The following SAFB2 variants were observed in gnomAD, a reference collection of about 807,000 sequenced individuals.
SAFB2 encodes scaffold attachment factor B2.
SAFB2 carries 32 observed loss-of-function variants against 100.6 expected under a neutral mutation model. That is an observed-to-expected ratio of 0.32 (90% CI 0.24 to 0.43). The LOEUF (loss-of-function observed/expected upper bound fraction) is 0.43, where lower values mean the gene tolerates loss of function less well. Among genes scored for constraint, SAFB2 ranks in the 20% least tolerant of loss-of-function variants. SAFB2 has a pLI of 1.00. For missense variants in SAFB2, 1,185 were observed against 1,163.4 expected, an observed-to-expected ratio of 1.02 and a Z score of -0.27; for synonymous variants, 500 against 439.4, an observed-to-expected ratio of 1.14 and a Z score of -1.72.
In SAFB2 at chr19:5,610,799, A is replaced by G. The variant is rs934503934; in HGVS notation, c.1146-111T>C. 6 of 850,122 alleles carry G rather than the reference A, an allele frequency of 7.1e-6. No individual in the cohort carries two copies. In the South Asian group the frequency reaches 1.1e-4, roughly 15 times the overall value. 52.7% of individuals were successfully genotyped at this position (850,122 alleles called of 1,614,324 possible). ...ACCTACCAGAAAATTAGTCTGAAAT[A>G]AAATTTTAACAGACACCTCTGCAAG... On this transcript the variant is annotated intron_variant, in intron 7 of 20. Transcript: ENST00000252542.
At chr19:5,607,716 C>T (rs1414763981) in intron 9 of SAFB2, among the ~76,000 whole-genome samples, 7 of 152,254 alleles carry the variant, frequency 4.6e-5, no homozygotes, top group Admixed American at 4.6e-4. Flanking sequence ...ACACAGGAGT[C>T]CTGGTCTCTG....
chr19:5,601,384 G>A (rs2052653399), intron 11 of SAFB2, among the ~76,000 whole-genome samples: 1 of 152,090 alleles, frequency 6.6e-6, no homozygotes, highest in African/African-American at 2.4e-5. Context: ...TTCATACACT[G>A]CTTACTTTTG....
At chr19:5,590,721 G>A (rs1426223322) in intron 17 of SAFB2, among the ~76,000 whole-genome samples, 1 of 152,224 alleles carries the variant, frequency 6.6e-6, no homozygotes, top group Non-Finnish European at 1.5e-5. Flanking sequence ...TCTTCCCTGA[G>A]AAGTTGGGCG....
intron 11 of SAFB2, among the ~76,000 whole-genome samples, chr19:5,602,734 T>C (rs777569054): frequency 3.3e-5 from 5 of 152,240 alleles, no homozygotes; most frequent in Middle Eastern, 6.8e-3. Flanking sequence ...TAGCTAATTA[T>C]TACCGCCTTT....
rs1217644721 is a variant in SAFB2, at chr19:5,622,725, C to T, written c.-10G>A. ...GCAGAGTCTCCGCCATCGTCGCGTT[C>T]CCGTCTTCGCCACCGACTCAGTCGC... On this transcript the variant is annotated 5_prime_UTR_variant, in exon 1 of 21. Coordinates refer to ENST00000252542, the MANE Select transcript of SAFB2 (RefSeq NM_014649.3). The T allele has an allele frequency of 1.3e-6, 2 of 1,594,344 alleles. No individual in the cohort carries two copies. Among genetic ancestry groups the T allele is most frequent in the Non-Finnish European group, 1.7e-6 (2 of 1,174,802 alleles).
Position 5,622,606 on chromosome 19 carries a change from T to A in SAFB2, c.110A>T (p.Asp37Val). 6.2e-7 allele frequency: 1 copy of A among 1,613,162 alleles called. No homozygotes were observed. Among genetic ancestry groups the A allele is most frequent in the Non-Finnish European group, 8.5e-7 (1 of 1,179,728 alleles). Residue 37 changes from aspartate (D) to valine (V), a missense_variant, in exon 1 of 21, where the codon GAT (aspartate) becomes GTT (valine). Coordinates refer to ENST00000252542, the MANE Select transcript of SAFB2 (RefSeq NM_014649.3). ...TRRLSELRVI[D>V]LRAELKKRNL... ...CCGCTTCTTCAGCTCCGCCCGCAGA[T>A]CGATCACCCGCAGCTCGCTGAGCCG... is the stretch of plus-strand genomic sequence containing the variant.
Position 5,598,864 on chromosome 19 carries a change from TC to T in SAFB2, c.1710del (p.Thr571ArgfsTer3). On this transcript the variant is annotated frameshift_variant, in exon 13 of 21. Coordinates refer to ENST00000252542, the MANE Select transcript of SAFB2 (RefSeq NM_014649.3). LOFTEE classifies it high-confidence loss of function. ...CCTTTCGATTTATCCATCACGACCGTCCGCTCCATTCCTCTGCTTCCTTCAG... is the reference window on the plus strand; with the variant it reads ...CCTTTCGATTTATCCATCACGACCGTCGCTCCATTCCTCTGCTTCCTTCAG... The part of the protein sequence containing the change: ...VTKSGSRGME[R>X]TVVMDKSKGE... 6.2e-7 allele frequency: 1 copy of T among 1,614,048 alleles called. No homozygotes were observed. The highest frequency in any genetic ancestry group is 8.5e-7 in the Non-Finnish European group (1 of 1,180,024).
intron 15 of SAFB2, 66 bp downstream of exon 15, chr19:5,593,824 CT>C: frequency 6.6e-6 from 9 of 1,373,266 alleles, no homozygotes; most frequent in African/African-American, 1.5e-5. Flanking sequence ...AGCCGCTGTT[CT>C]GCTGGAAGGG....
chr19:5,599,774 A>AG (rs2052615433), intron 12 of SAFB2, among the ~76,000 whole-genome samples: 1 of 14,816 alleles, frequency 6.7e-5, no homozygotes, highest in South Asian at 4.5e-3. Context: ...ATAATGTGGG[A>AG]AAACTTTACT....
At chr19:5,596,219 C>A (rs930770976) in intron 13 of SAFB2, among the ~76,000 whole-genome samples, 4 of 152,326 alleles carry the variant, frequency 2.6e-5, no homozygotes, top group African/African-American at 9.6e-5. Context: ...GCTGAGATTG[C>A]GCCACTGTAC....
At chr19:5,616,029 T>A (rs1276244590) in intron 4 of SAFB2, 103 bp downstream of exon 4, 1 of 1,024,884 alleles carries the variant, frequency 9.8e-7, no homozygotes, top group African/African-American at 1.6e-5. Context: ...CAGAACTGTG[T>A]GTTCATGGCG....
At chr19:5,610,565 G>T in intron 8 of SAFB2, 74 bp downstream of exon 8, 1 of 1,048,274 alleles carries the variant, frequency 9.5e-7, no homozygotes, top group Non-Finnish European at 1.4e-6. Context: ...TCCAAAGTGT[G>T]TATATCTCCA....
intron 1 of SAFB2, 88 bp downstream of exon 1, chr19:5,622,442 C>T (rs1281540300): frequency 2.2e-6 from 3 of 1,340,440 alleles, no homozygotes; most frequent in Non-Finnish European, 2.9e-6. Context: ...GAACCCAGGG[C>T]GCCCCGGGTC....
At chr19:5,594,292 C>T (rs2052489920) in intron 14 of SAFB2, 114 bp from the exon 15 acceptor site, 1 of 1,308,658 alleles carries the variant, frequency 7.6e-7, no homozygotes, top group African/African-American at 1.5e-5. Context: ...GATCCAAAAG[C>T]TCACCGGGCT....
intron 1 of SAFB2, 89 bp from the exon 2 acceptor site, chr19:5,621,485 G>T (rs1229983167): frequency 9.0e-6 from 8 of 885,484 alleles, no homozygotes; most frequent in Non-Finnish European, 1.5e-5. Context: ...ATGAAACAAA[G>T]GCAAACCCGT....
chr19:5,618,222 C>T (rs1479125762), intron 2 of SAFB2, among the ~76,000 whole-genome samples: 2 of 151,712 alleles, frequency 1.3e-5, no homozygotes, highest in Admixed American at 6.5e-5. Flanking sequence ...AACAGCCGGA[C>T]GTGGTGGCGG....
chr19:5,604,748 A>C (rs2052737457), intron 10 of SAFB2, 39 bp downstream of exon 10: 4 of 1,613,074 alleles, frequency 2.5e-6, no homozygotes, highest in Non-Finnish European at 3.4e-6. Context: ...TCACTTGCAA[A>C]CTCCATTTGC....
intron 11 of SAFB2, among the ~76,000 whole-genome samples, chr19:5,603,674 C>CGTGAGAACTCACAGGGTGGCACT (rs2052711433): frequency 6.6e-6 from 1 of 152,088 alleles, no homozygotes; most frequent in Non-Finnish European, 1.5e-5. Context: ...AGGGTGCCAC[C>CGTGAGAACTCACAGGGTGGCACT]GTGAACTCAC....
intron 17 of SAFB2, among the ~76,000 whole-genome samples, chr19:5,590,747 T>C (rs942378181): frequency 2.0e-5 from 3 of 151,882 alleles, no homozygotes; most frequent in African/African-American, 7.3e-5. Flanking sequence ...TCCTTTCCGA[T>C]AACAGGAGGG....
Sources: allele counts gnomAD v4.1 joint callset (sites outside exome capture counted in the v4.1 genomes callset), GRCh38; gene constraint gnomAD v4.1.1; transcripts MANE v1.5; gene names NCBI Gene and HGNC (gene_info 2026-07-23, HGNC 2026-07-21).